GPI: variants seen among roughly 807,000 people sequenced by gnomAD.
The protein encoded by GPI is glucose-6-phosphate isomerase, also known as D-hexose-6-phosphate anomerase.
Under a neutral mutation model 75.8 loss-of-function variants are expected in GPI, and 56 were observed. The ratio of observed to expected loss-of-function variants is 0.74; its 90% confidence interval spans 0.60 to 0.92. GPI has a LOEUF of 0.92. Among genes scored for constraint, GPI ranks in the 40% least tolerant of loss-of-function variants. The pLI is 0.00. For missense variants in GPI, 638 were observed against 741.0 expected, an observed-to-expected ratio of 0.86 and a Z score of 1.61; for synonymous variants, 288 against 285.4, an observed-to-expected ratio of 1.01 and a Z score of -0.09.
rs959383332 is a variant in GPI at position 34,368,775 on chromosome 19, G to A, written c.402+73G>A. 5 of 1,559,628 alleles carry A rather than the reference G, an allele frequency of 3.2e-6. No individual in the cohort carries two copies. The African/African-American group carries it at 6.8e-5, about 21-fold the overall frequency. On this transcript the variant is annotated intron_variant, in intron 4 of 17. Transcript: ENST00000356487. ...ATTTGGGAATCTGGGAGCCCTAAGG[G>A]GCAGCTCTTCCCTCTTCTTGTAGGC...
At chr19:34,379,247 G>GC (rs753281532) in intron 7 of GPI, among the ~76,000 whole-genome samples, 2 of 152,224 alleles carry the variant, frequency 1.3e-5, no homozygotes, top group Non-Finnish European at 2.9e-5. Flanking sequence ...TTCTCTGCAG[G>GC]CCCTTGGCGC....
intron 4 of GPI, among the ~76,000 whole-genome samples, chr19:34,374,167 A>G (rs950263675): frequency 3.1e-5 from 4 of 128,588 alleles, no homozygotes; most frequent in African/African-American, 9.1e-5. Flanking sequence ...TTTTTTTAGT[A>G]GAGATGGGGT....
Position 34,378,966 on chromosome 19 carries a change from A to T in GPI, c.666A>T (p.Ala222=). 1 of 1,614,182 alleles carries T rather than the reference A, an allele frequency of 6.2e-7. No homozygotes were observed. The highest frequency in any genetic ancestry group is 8.5e-7 in the Non-Finnish European group (1 of 1,180,010). ...TFTTQETITN[A]ETAKEWFLQA... is the part of the protein sequence containing the mutation. ...CTACCCAGGAGACCATCACGAATGC[A>T]GAGACGGCGAAGGAGTGGTTTCTCC... Residue 222 remains alanine, a synonymous_variant, in exon 7 of 18, where the codon GCA becomes GCT. Coordinates refer to ENST00000356487, the MANE Select transcript of GPI (RefSeq NM_000175.5).
At chr19:34,390,755 G>T (rs2074811008) in intron 9 of GPI, among the ~76,000 whole-genome samples, 1 of 148,510 alleles carries the variant, frequency 6.7e-6, no homozygotes, top group Admixed American at 6.7e-5. Context: ...GTAGCATCTG[G>T]CACAGGTATG....
chr19:34,363,478 T>G (rs1271893684), upstream of GPI: 2 of 152,216 alleles, frequency 1.3e-5, no homozygotes, highest in African/African-American at 4.8e-5. Context: ...AATTCTCTTC[T>G]GTGTAGATGA....
At chr19:34,369,531 A>G (rs1389869818) in intron 4 of GPI, among the ~76,000 whole-genome samples, 1 of 151,426 alleles carries the variant, frequency 6.6e-6, no homozygotes, top group African/African-American at 2.4e-5. Flanking sequence ...TCATGGTGAA[A>G]CCCCATCTCC....
intron 9 of GPI, among the ~76,000 whole-genome samples, chr19:34,384,411 G>C (rs183792734): frequency 6.6e-6 from 1 of 152,316 alleles, no homozygotes; most frequent in Admixed American, 6.5e-5. Context: ...GTCAGGCTCT[G>C]GTTTGTATCC....
intron 6 of GPI, 71 bp downstream of exon 6, chr19:34,377,952 CA>C: frequency 6.5e-7 from 1 of 1,530,388 alleles, no homozygotes; most frequent in Non-Finnish European, 9.1e-7. Flanking sequence ...GCTGTCTTGC[CA>C]TCCCCCTGGC....
At position 34,400,501 on chromosome 19, in the gene GPI, A is replaced by G; in HGVS notation, c.*465A>G. 1 of 504,930 alleles carries G rather than the reference A, an allele frequency of 2.0e-6. No individual in the cohort carries two copies. The highest frequency in any genetic ancestry group is 3.0e-5 in the East Asian group (1 of 32,864). 31.3% of individuals were successfully genotyped at this position (504,930 alleles called of 1,614,324 possible). A position where few individuals can be genotyped will look rare whatever the true frequency, so the allele number is the denominator to read the frequency against. ...GAGAAGACAATAGTGGGGTGGGGGC[A>G]CAATCAGTCAGGACGGCAACTTGGC... On this transcript the variant is annotated 3_prime_UTR_variant, in exon 18 of 18. Transcript: ENST00000356487.
chr19:34,361,711 T>G (rs452902), upstream of GPI, among the ~76,000 whole-genome samples: 1 of 151,908 alleles, frequency 6.6e-6, no homozygotes, highest in Non-Finnish European at 1.5e-5. Flanking sequence ...CTGGGCGCGG[T>G]GTTGCATGCC....
intron 3 of GPI, among the ~76,000 whole-genome samples, chr19:34,368,301 T>A (rs2074396448): frequency 6.6e-6 from 1 of 152,256 alleles, no homozygotes; most frequent in Admixed American, 6.5e-5. Flanking sequence ...TTTCTCTCAC[T>A]GTTCATGCCC....
chr19:34,392,949 C>T, intron 9 of GPI: 1 of 457,760 alleles, frequency 2.2e-6, no homozygotes. Context: ...GGAGGTGGGC[C>T]CTGGCACAGG....
Position 34,393,404 on chromosome 19 carries a change from C to G in GPI, c.865+96C>G. ...TTGTGTCCCTGAACATCATGCTGTCCTCACAGGCTGCTGGCCTCTCTGCAG... is the reference window on the plus strand; with the variant it reads ...TTGTGTCCCTGAACATCATGCTGTCGTCACAGGCTGCTGGCCTCTCTGCAG... On this transcript the variant is annotated intron_variant, in intron 10 of 17. Transcript: ENST00000356487. The surrounding 1 kb of genome is among the most constrained non-coding windows in gnomAD (Gnocchi z 4.4). The G allele has an allele frequency of 4.2e-6, 4 of 955,338 alleles. No homozygotes were observed. The Admixed American group carries it at 6.8e-5, about 16-fold the overall frequency. 59.2% of individuals were successfully genotyped at this position (955,338 alleles called of 1,614,324 possible). A position where few individuals can be genotyped will look rare whatever the true frequency, so the allele number is the denominator to read the frequency against.
At chr19:34,372,563 G>T (rs1021124953) in intron 4 of GPI, among the ~76,000 whole-genome samples, 1 of 152,084 alleles carries the variant, frequency 6.6e-6, no homozygotes, top group Admixed American at 6.6e-5. Flanking sequence ...AATTGCTTGA[G>T]CCCAGGAATT....
At chr19:34,374,577 C>T (rs893189647) in intron 4 of GPI, among the ~76,000 whole-genome samples, 8 of 152,076 alleles carry the variant, frequency 5.3e-5, no homozygotes, top group Non-Finnish European at 1.2e-4. Flanking sequence ...CCTGCATTTC[C>T]TTTAGTACAG....
At chr19:34,380,108 T>A (rs1409850931) in intron 8 of GPI, among the ~76,000 whole-genome samples, 1 of 149,584 alleles carries the variant, frequency 6.7e-6, no homozygotes, top group Non-Finnish European at 1.5e-5. Flanking sequence ...GCGATTCTCC[T>A]GCCTTAGCCT....
At chr19:34,389,644 T>G (rs533592358) in intron 9 of GPI, among the ~76,000 whole-genome samples, 1 of 152,204 alleles carries the variant, frequency 6.6e-6, no homozygotes, top group Non-Finnish European at 1.5e-5. Context: ...GAAAGACTGC[T>G]TTGGCCACGG....
rs2074399719 is a variant in GPI, at chr19:34,368,504, T to C, written c.283-79T>C. The C allele has an allele frequency of 2.5e-5, 38 of 1,531,150 alleles. No homozygotes were observed. The South Asian group carries it at 3.7e-4, about 15-fold the overall frequency. 94.8% of individuals were successfully genotyped at this position (1,531,150 alleles called of 1,614,324 possible). On this transcript the variant is annotated intron_variant, in intron 3 of 17. Transcript: ENST00000356487. The stretch of plus-strand genomic sequence containing the variant: ...CTGTCTAGTGGATAGAGGGCCGAGC[T>C]ATGGCACCATGCCCAGCTGGGAGCA...
intron 1 of GPI, chr19:34,365,975 G>T (rs557245562): frequency 8.3e-5 from 43 of 520,684 alleles, no homozygotes; most frequent in African/African-American, 7.8e-4. Flanking sequence ...GGAGGCGGGG[G>T]AGGGGAGCGA....
Sources: allele counts gnomAD v4.1 joint callset (sites outside exome capture counted in the v4.1 genomes callset), GRCh38; gene constraint gnomAD v4.1.1; non-coding constraint Gnocchi (gnomAD v3.1); transcripts MANE v1.5; gene names NCBI Gene and HGNC (gene_info 2026-07-23, HGNC 2026-07-21).